Variants in UBE2B observed in about 807,000 individuals in gnomAD.
UBE2B encodes the protein ubiquitin conjugating enzyme E2 B.
In UBE2B, 11 loss-of-function variants were observed where a neutral mutation model predicts 24.6. The ratio of observed to expected loss-of-function variants is 0.45; its 90% CI spans 0.28 to 0.74. The LOEUF (loss-of-function observed/expected upper bound fraction) is 0.74, where lower values mean the gene tolerates loss of function less well. Ranked by LOEUF, UBE2B falls within the 30% of genes least tolerant of loss-of-function variation. UBE2B has a pLI of 0.13. For missense variants in UBE2B, 78 were observed against 185.6 expected, an observed-to-expected ratio of 0.42 and a Z score of 3.37; for synonymous variants, 68 against 62.4, an observed-to-expected ratio of 1.09 and a Z score of -0.42.
At chr5:134,386,659 GATC>G (rs1758807554) in intron 4 of UBE2B, among the ~76,000 whole-genome samples, 1 of 150,936 alleles carries the variant, frequency 6.6e-6, no homozygotes, top group South Asian at 2.1e-4. Context: ...AAGAAAATAA[GATC>G]ATCCATAACC....
chr5:134,378,883 C>G lies in UBE2B; in HGVS notation c.152-1836C>G, dbSNP rs34016810. On this transcript the variant is annotated intron_variant, in intron 3 of 5. Coordinates refer to ENST00000265339, the MANE Select transcript of UBE2B (RefSeq NM_003337.4). ...GGCAGAGGTTGCAGTGCGCCAAGAT[C>G]GCACCATTGCACCCTAGCCTGGACA... is the stretch of plus-strand genomic sequence containing the variant. 6.4e-3 allele frequency among the ~76,000 whole-genome samples: 943 copies of G among 148,502 alleles called. 5 individuals carry two copies. Among genetic ancestry groups the G allele is most frequent in the African/African-American group, 0.02 (813 of 40,126 alleles).
At chr5:134,385,482 T>C (rs913360712) in intron 4 of UBE2B, 10 of 152,216 alleles carry the variant, frequency 6.6e-5, no homozygotes, top group Admixed American at 1.3e-4. Context: ...TTTAAATGAA[T>C]TTACTCTTTG....
chr5:134,375,613 G>A (rs1425483124), intron 2 of UBE2B, among the ~76,000 whole-genome samples: 4 of 151,842 alleles, frequency 2.6e-5, no homozygotes, highest in East Asian at 1.9e-4. Flanking sequence ...TGGCTAACAC[G>A]GTGAAACCCC....
At chr5:134,371,705 C>T in intron 1 of UBE2B, 66 bp downstream of exon 1, 1 of 1,605,278 alleles carries the variant, frequency 6.2e-7, no homozygotes, top group Non-Finnish European at 8.5e-7. Flanking sequence ...GGCGTGGATC[C>T]CAGACACCTT....
Position 134,372,737 on chromosome 5 carries a change from G to A in UBE2B, c.44+1098G>A, listed in dbSNP as rs546626622. On this transcript the variant is annotated intron_variant, in intron 1 of 5. Coordinates refer to ENST00000265339, the MANE Select transcript of UBE2B (RefSeq NM_003337.4). ...CAGTTCTTCTAAGGCTTCTGTTCGT[G>A]GTGGCCTAATTTGCTTGAGATTGAC... 4.6e-5 allele frequency among the ~76,000 whole-genome samples: 7 copies of A among 152,200 alleles called. No homozygotes were observed. In the South Asian group the frequency reaches 1.2e-3, roughly 27 times the overall value.
At chr5:134,388,236 T>G in intron 4 of UBE2B, 89 bp from the exon 5 acceptor site, 1 of 1,148,102 alleles carries the variant, frequency 8.7e-7, no homozygotes, top group Admixed American at 1.7e-5. Flanking sequence ...TATTTAAAAC[T>G]TCTAAGCCAA....
At chr5:134,377,180 CTAGGAA>C (rs1041648746) in intron 3 of UBE2B, among the ~76,000 whole-genome samples, 3 of 152,104 alleles carry the variant, frequency 2.0e-5, no homozygotes, top group African/African-American at 7.2e-5. Context: ...TCATCAGGGG[CTAGGAA>C]AATGGGAAAC....
At chr5:134,374,287 G>A in intron 1 of UBE2B, 96 bp from the exon 2 acceptor site, 1 of 1,101,010 alleles carries the variant, frequency 9.1e-7, no homozygotes, top group Non-Finnish European at 1.4e-6. Flanking sequence ...GTTAGTCTGT[G>A]TCTCAAAATA....
At chr5:134,386,877 T>G (rs1758813506) in intron 4 of UBE2B, among the ~76,000 whole-genome samples, 1 of 152,096 alleles carries the variant, frequency 6.6e-6, no homozygotes, top group Admixed American at 6.6e-5. Flanking sequence ...GTGATTGTGT[T>G]GCTATTGCTT....
chr5:134,390,921 G>A lies in UBE2B; in HGVS notation c.*568G>A, dbSNP rs1758887980. The A allele has an allele frequency of 1.3e-5, 2 of 154,766 alleles. No individual in the cohort carries two copies. The highest frequency in any genetic ancestry group is 1.3e-4 in the Admixed American group (2 of 15,528). The allele number at this position is 154,766 out of a possible 1,614,324, so 9.6% of individuals were successfully genotyped here. A position where few individuals can be genotyped will look rare whatever the true frequency, so the allele number is the denominator to read the frequency against. ...AAGTCTTCAAATTTGATTCTAAATA[G>A]CGATTATAATCTCCAACTTTATTTT... On this transcript the variant is annotated 3_prime_UTR_variant, in exon 6 of 6. Coordinates refer to ENST00000265339, the MANE Select transcript of UBE2B (RefSeq NM_003337.4). The surrounding 1 kb of genome is among the most constrained non-coding windows in gnomAD (Gnocchi z 4.6).
chr5:134,380,682 GC>G (rs1276654744), intron 3 of UBE2B, 36 bp from the exon 4 acceptor site: 1 of 1,228,238 alleles, frequency 8.1e-7, no homozygotes, highest in Non-Finnish European at 1.2e-6. Flanking sequence ...AAAAAGTCGT[GC>G]TTGTCTTTAC....
Position 134,390,100 on chromosome 5 carries a change from T to A in UBE2B, c.331-125T>A. On this transcript the variant is annotated intron_variant, in intron 5 of 5. Coordinates refer to ENST00000265339, the MANE Select transcript of UBE2B (RefSeq NM_003337.4). The surrounding 1 kb of genome is among the most constrained non-coding windows in gnomAD (Gnocchi z 4.6). ...AAAAGTATTTAGACCCAAAATTATATGACATGTTAATCTCTGAAGTAATTT... is the reference window on the plus strand; with the variant it reads ...AAAAGTATTTAGACCCAAAATTATAAGACATGTTAATCTCTGAAGTAATTT... 8.4e-7 allele frequency: 1 copy of A among 1,183,546 alleles called. No homozygotes were observed. The highest frequency in any genetic ancestry group is 1.2e-6 in the Non-Finnish European group (1 of 822,126). 73.3% of individuals were successfully genotyped at this position (1,183,546 alleles called of 1,614,324 possible). A position where few individuals can be genotyped will look rare whatever the true frequency, so the allele number is the denominator to read the frequency against.
rs1198282332 is a variant in UBE2B at position 134,390,519 on chromosome 5, G to A, written c.*166G>A. The A allele has an allele frequency of 4.0e-6, 3 of 748,150 alleles. No homozygotes were observed. Among genetic ancestry groups the A allele is most frequent in the East Asian group, 2.9e-5 (1 of 34,802 alleles). 46.3% of individuals were successfully genotyped at this position (748,150 alleles called of 1,614,324 possible). ...CAAAAGCTTGTGTATCTTGATTAAT[G>A]TACTTTTTATTGCATGGTGTGAACT... On this transcript the variant is annotated 3_prime_UTR_variant, in exon 6 of 6. Transcript: ENST00000265339. This position sits in a 1 kb window ranked among gnomAD's most constrained non-coding sequence, Gnocchi z 4.6.
At chr5:134,384,136 A>C (rs762046210) in intron 4 of UBE2B, among the ~76,000 whole-genome samples, 100 of 152,342 alleles carry the variant, frequency 6.6e-4, no homozygotes, top group Non-Finnish European at 1.2e-3. Context: ...TTGCTCATTT[A>C]AATGTGGCGT....
chr5:134,379,127 C>G (rs1238525054), intron 3 of UBE2B, among the ~76,000 whole-genome samples: 2 of 151,990 alleles, frequency 1.3e-5, no homozygotes, highest in Non-Finnish European at 2.9e-5. Flanking sequence ...GATCTGTAAA[C>G]TCGAGTCACC....
chr5:134,383,165 A>G (rs1758738466), intron 4 of UBE2B, among the ~76,000 whole-genome samples: 1 of 152,186 alleles, frequency 6.6e-6, no homozygotes. Flanking sequence ...CTCCATCTCA[A>G]AAAAATAAAT....
chr5:134,387,166 G>C (rs1015046030), intron 4 of UBE2B, among the ~76,000 whole-genome samples: 2 of 151,914 alleles, frequency 1.3e-5, no homozygotes, highest in African/African-American at 4.8e-5. Context: ...CACCATGCTG[G>C]CCAGGCTGGT....
At chr5:134,387,588 A>G (rs1374938332) in intron 4 of UBE2B, among the ~76,000 whole-genome samples, 1 of 152,172 alleles carries the variant, frequency 6.6e-6, no homozygotes, top group Non-Finnish European at 1.5e-5. Context: ...GTCCAAGAGC[A>G]TGGCGCCAGC....
chr5:134,380,245 G>T (rs1758686994), intron 3 of UBE2B, among the ~76,000 whole-genome samples: 1 of 152,086 alleles, frequency 6.6e-6, no homozygotes, highest in Admixed American at 6.6e-5. Context: ...CTGAGTTAAA[G>T]TTTTTTTGTG....
Sources: gnomAD v4.1 joint callset for allele counts (sites outside exome capture counted in the v4.1 genomes callset) on GRCh38, gnomAD v4.1.1 for gene constraint, Gnocchi (gnomAD v3.1) non-coding constraint, MANE v1.5 for transcripts, NCBI Gene and HGNC (gene_info 2026-07-23, HGNC 2026-07-21) for gene names.